LRRC8A: variants seen among roughly 807,000 people sequenced by gnomAD.
The protein encoded by LRRC8A is leucine rich repeat containing 8 VRAC subunit A, also known as volume-regulated anion channel subunit LRRC8A.
LRRC8A carries 24 observed loss-of-function variants against 52.5 expected under a neutral mutation model. The observed-to-expected ratio is 0.46, with a 90% CI of 0.33 to 0.64. LRRC8A has a LOEUF of 0.64. Ranked by LOEUF, LRRC8A falls within the 30% of genes least tolerant of loss-of-function variation. LRRC8A has a pLI of 0.02. For missense variants in LRRC8A, 677 were observed against 1,094.7 expected, an observed-to-expected ratio of 0.62 and a Z score of 5.38; for synonymous variants, 492 against 494.2, an observed-to-expected ratio of 1.00 and a Z score of 0.06.
At chr9:128,893,590 CGTGA>C (rs1034967900) in intron 2 of LRRC8A, among the ~76,000 whole-genome samples, 4 of 152,034 alleles carry the variant, frequency 2.6e-5, no homozygotes, top group African/African-American at 7.2e-5. Flanking sequence ...AGCTGCTGAG[CGTGA>C]GTGTTACGAG....
intron 2 of LRRC8A, among the ~76,000 whole-genome samples, chr9:128,890,031 G>T (rs953071436): frequency 1.3e-5 from 2 of 151,860 alleles, no homozygotes; most frequent in Non-Finnish European, 1.5e-5. Flanking sequence ...TCGAACTCCT[G>T]ACCTCAGGTG....
At chr9:128,883,607 C>T (rs1402158247) in intron 1 of LRRC8A, among the ~76,000 whole-genome samples, 1 of 152,192 alleles carries the variant, frequency 6.6e-6, no homozygotes, top group Non-Finnish European at 1.5e-5. Context: ...TCTCTGCTTC[C>T]TTGTTTTCCT....
At chr9:128,912,091 T>G (rs1840570345) in intron 3 of LRRC8A, among the ~76,000 whole-genome samples, 2 of 152,194 alleles carry the variant, frequency 1.3e-5, no homozygotes, top group South Asian at 2.1e-4. Context: ...TATGTTTTGT[T>G]TGTTTGTTTT....
At chr9:128,915,852 C>T (rs1337270320) in intron 3 of LRRC8A, among the ~76,000 whole-genome samples, 1 of 152,046 alleles carries the variant, frequency 6.6e-6, no homozygotes, top group African/African-American at 2.4e-5. Flanking sequence ...ATGAGCACTG[C>T]GAGTGGGGAC....
chr9:128,908,698 A>G lies in LRRC8A; in HGVS notation c.1534A>G (p.Ile512Val). 6.2e-7 allele frequency: 1 copy of G among 1,613,010 alleles called. No individual in the cohort carries two copies. The highest frequency in any genetic ancestry group is 8.5e-7 in the Non-Finnish European group (1 of 1,180,022). Residue 512 changes from isoleucine (I) to valine (V), a missense_variant, in exon 3 of 4, where the codon ATC becomes GTC. By Grantham distance (29) the Ile-to-Val change is conservative (BLOSUM62 3). This residue lies in a region of LRRC8A where 422 missense variants were observed against 741.5 expected (regional missense o/e 0.57). Transcript: ENST00000372600. ...CGACATCAAGGAGATCCCGCTGTGG[A>G]TCTATAGCCTGAAGACACTGGAGGA... is the stretch of plus-strand genomic sequence containing the variant. Reference protein sequence around the residue: ...FTDIKEIPLWIYSLKTLEELH... With the variant: ...FTDIKEIPLWVYSLKTLEELH...
chr9:128,895,109 C>T (rs1260797976), intron 2 of LRRC8A, among the ~76,000 whole-genome samples: 7 of 152,050 alleles, frequency 4.6e-5, no homozygotes, highest in Admixed American at 1.3e-4. Flanking sequence ...TGGCTTCTTT[C>T]GCAGATAACA....
intron 2 of LRRC8A, among the ~76,000 whole-genome samples, chr9:128,901,555 G>A (rs1290366056): frequency 6.6e-6 from 1 of 152,150 alleles, no homozygotes; most frequent in African/African-American, 2.4e-5. Flanking sequence ...GAGGCCAGGA[G>A]TTTGAGACCA....
At chr9:128,890,479 T>C (rs896726441) in intron 2 of LRRC8A, among the ~76,000 whole-genome samples, 2 of 152,170 alleles carry the variant, frequency 1.3e-5, no homozygotes, top group Non-Finnish European at 2.9e-5. Context: ...CTGCCAAACC[T>C]GCGCCCTCTG....
chr9:128,905,173 T>C (rs1206105629), intron 2 of LRRC8A, among the ~76,000 whole-genome samples: 1 of 152,088 alleles, frequency 6.6e-6, no homozygotes, highest in Non-Finnish European at 1.5e-5. Context: ...ATCCAATCTC[T>C]TACAAGAAAA....
At chr9:128,887,083 T>A (rs933656429) in intron 2 of LRRC8A, among the ~76,000 whole-genome samples, 3 of 152,038 alleles carry the variant, frequency 2.0e-5, no homozygotes, top group African/African-American at 7.3e-5. Flanking sequence ...TCTCCCAGCC[T>A]GGATTTTAAA....
chr9:128,916,163 T>G lies in LRRC8A; in HGVS notation c.2225T>G (p.Val742Gly). Reference protein sequence around the residue: ...KLRALHLGNNVLQSLPSRVGE... With the variant: ...KLRALHLGNNGLQSLPSRVGE... ...CGGGCCCTGCACCTGGGCAACAACGTGCTGCAGTCACTGCCCTCCAGGGTG... is the reference window on the plus strand; with the variant it reads ...CGGGCCCTGCACCTGGGCAACAACGGGCTGCAGTCACTGCCCTCCAGGGTG... The change falls in exon 4 of 4, where the codon GTG becomes GGG. Residue 742 changes from valine (V) to glycine (G), a missense_variant. Val to Gly is a moderately radical substitution (Grantham distance 109). This residue lies in a region of LRRC8A where 169 missense variants were observed against 217.6 expected (regional missense o/e 0.78). Coordinates refer to ENST00000372600, the MANE Select transcript of LRRC8A (RefSeq NM_019594.4). The surrounding 1 kb of genome is among the most constrained non-coding windows in gnomAD (Gnocchi z 6.1). The G allele has an allele frequency of 6.2e-7, 1 of 1,613,394 alleles. No homozygotes were observed. Among genetic ancestry groups the G allele is most frequent in the South Asian group, 1.1e-5 (1 of 91,074 alleles).
chr9:128,914,761 G>A (rs940446341), intron 3 of LRRC8A, among the ~76,000 whole-genome samples: 3 of 152,306 alleles, frequency 2.0e-5, no homozygotes, highest in Middle Eastern at 3.4e-3. Flanking sequence ...GCCTCGGGAC[G>A]GGCAGGCTCA....
rs373487932 is a variant in LRRC8A, at chr9:128,916,209, G to A, written c.2271G>A (p.Thr757=). The change falls in exon 4 of 4, where the codon ACG becomes ACA. Residue 757 remains threonine (T), a synonymous_variant. Transcript: ENST00000372600. The surrounding 1 kb of genome is among the most constrained non-coding windows in gnomAD (Gnocchi z 6.1). ...GGGTGGGCGAGCTGACCAACCTGACGCAGATCGAGCTGCGGGGCAACCGGC... is the reference window on the plus strand; with the variant it reads ...GGGTGGGCGAGCTGACCAACCTGACACAGATCGAGCTGCGGGGCAACCGGC... The part of the protein sequence containing the change: ...PSRVGELTNL[T]QIELRGNRLE... The A allele has an allele frequency of 2.5e-5, 40 of 1,613,390 alleles. No homozygotes were observed. The highest frequency in any genetic ancestry group is 6.6e-5 in the South Asian group (6 of 91,088).
intron 1 of LRRC8A, chr9:128,883,034 C>T (rs1588187428): frequency 2.8e-6 from 1 of 352,108 alleles, no homozygotes; most frequent in East Asian, 4.2e-5. Flanking sequence ...CGGGGTGAAC[C>T]GAGGTCTGCC....
chr9:128,893,723 C>T (rs946922554), intron 2 of LRRC8A, among the ~76,000 whole-genome samples: 1 of 152,060 alleles, frequency 6.6e-6, no homozygotes, highest in Non-Finnish European at 1.5e-5. Flanking sequence ...TATTTCCAAG[C>T]AGTTTTTCTA....
chr9:128,916,562 C>G lies in LRRC8A; in HGVS notation c.*191C>G. 1.4e-6 allele frequency: 1 copy of G among 690,056 alleles called. No individual in the cohort carries two copies. Among genetic ancestry groups the G allele is most frequent in the Admixed American group, 3.0e-5 (1 of 33,782 alleles). The allele number at this position is 690,056 out of a possible 1,614,324, so 42.7% of individuals were successfully genotyped here. ...TGTGGGGCTGGCCCCTTTTCTCCCTCTGAGACTCACGTCCCCCAGGGCAAG... is the reference window on the plus strand; with the variant it reads ...TGTGGGGCTGGCCCCTTTTCTCCCTGTGAGACTCACGTCCCCCAGGGCAAG... On this transcript the variant is annotated 3_prime_UTR_variant, in exon 4 of 4. Coordinates refer to ENST00000372600, the MANE Select transcript of LRRC8A (RefSeq NM_019594.4). This position sits in a 1 kb window ranked among gnomAD's most constrained non-coding sequence, Gnocchi z 6.1.
rs373417352 is a variant in LRRC8A, at chr9:128,887,803, G to A, written c.-9+1682G>A. On this transcript the variant is annotated intron_variant, in intron 2 of 3. Transcript: ENST00000372600. ...ACTACAGGCGCCCGCCACCACGCCC[G>A]GCTAATTTTTTTTGTATTTTTAGTA... 3.3e-3 allele frequency among the ~76,000 whole-genome samples: 503 copies of A among 152,018 alleles called. 2 individuals are homozygous for A. Among genetic ancestry groups the A allele is most frequent in the African/African-American group, 0.011 (462 of 41,470 alleles).
intron 2 of LRRC8A, among the ~76,000 whole-genome samples, chr9:128,904,761 A>G (rs1241320925): frequency 4.6e-5 from 7 of 152,044 alleles, no homozygotes; most frequent in South Asian, 4.2e-4. Flanking sequence ...TTGGGAGGCC[A>G]AGGCGGGCGG....
rs567070934 is a variant in LRRC8A, at chr9:128,884,620, G to A, written c.-115-1395G>A. Among the ~76,000 whole-genome samples the A allele has an allele frequency of 5.3e-5, 8 of 152,304 alleles. No individual in the cohort carries two copies. In the East Asian group the frequency reaches 1.5e-3, roughly 29 times the overall value. ...TTAGCTCTGGGTGGTTATGTAGGGG[G>A]TGGTCAGGGTATGCTTTCTGGAAGA... On this transcript the variant is annotated intron_variant, in intron 1 of 3. Coordinates refer to ENST00000372600, the MANE Select transcript of LRRC8A (RefSeq NM_019594.4).
Sources: allele counts gnomAD v4.1 joint callset (sites outside exome capture counted in the v4.1 genomes callset), GRCh38; gene constraint gnomAD v4.1.1; regional missense constraint gnomAD v4.1.1; non-coding constraint Gnocchi (gnomAD v3.1); transcripts MANE v1.5; gene names NCBI Gene and HGNC (gene_info 2026-07-23, HGNC 2026-07-21).